Variants in EYS observed in about 807,000 individuals in gnomAD.
EYS encodes the protein EGF-like photoreceptor maintenance factor.
Under a neutral mutation model 282.1 loss-of-function variants are expected in EYS, and 250 were observed. The ratio of observed to expected loss-of-function variants is 0.89; its 90% CI spans 0.80 to 0.98. The LOEUF is 0.98. Among genes scored for constraint, EYS ranks in the 50% least tolerant of loss-of-function variants. The pLI is 0.00. For synonymous variants in EYS, 1,355 were observed against 1,282.9 expected (o/e 1.06, Z -1.20); for missense variants, 4,016 against 3,709.0 (o/e 1.08, Z -2.15).
chr6:64,186,950 G>T (rs1013830544), intron 31 of EYS, among the ~76,000 whole-genome samples: 1 of 152,106 alleles, frequency 6.6e-6, no homozygotes, highest in Non-Finnish European at 1.5e-5. Flanking sequence ...CACTTGGGGA[G>T]CACACACACT....
chr6:63,815,838 T>C (rs1771164347), intron 36 of EYS, among the ~76,000 whole-genome samples: 1 of 152,152 alleles, frequency 6.6e-6, no homozygotes, highest in South Asian at 2.1e-4. Context: ...TTGACAATAA[T>C]TTTTATTTTT....
intron 26 of EYS, among the ~76,000 whole-genome samples, chr6:64,447,567 C>A (rs13207295): frequency 0.28 from 42,043 of 151,538 alleles, 5,935 homozygotes; most frequent in East Asian, 0.46. Flanking sequence ...TCATTAGTAC[C>A]TTGATCAAAA....
chr6:65,556,876 C>T (rs1285328825), intron 2 of EYS, among the ~76,000 whole-genome samples: 1 of 151,926 alleles, frequency 6.6e-6, no homozygotes, highest in East Asian at 1.9e-4. Context: ...TTAAAATTGT[C>T]TCTAATATCA....
intron 35 of EYS, among the ~76,000 whole-genome samples, chr6:63,920,680 G>A (rs138685467): frequency 2.0e-5 from 3 of 152,150 alleles, no homozygotes; most frequent in Non-Finnish European, 4.4e-5. Flanking sequence ...GCTGTAAGGG[G>A]AGTACTTTCC....
chr6:64,400,249 CT>C (rs1217625911), intron 28 of EYS: 2 of 151,924 alleles, frequency 1.3e-5, no homozygotes, highest in African/African-American at 2.4e-5. Context: ...AGGTTTTCAC[CT>C]TTGGATAAGT....
chr6:65,041,828 T>C (rs1289365039), intron 13 of EYS, among the ~76,000 whole-genome samples: 1 of 151,554 alleles, frequency 6.6e-6, no homozygotes, highest in African/African-American at 2.4e-5. Context: ...TTTCCATTTC[T>C]CCAGCTCCAG....
At chr6:65,457,136 CTTTTG>C (rs1562196192) in intron 5 of EYS, among the ~76,000 whole-genome samples, 1 of 144,750 alleles carries the variant, frequency 6.9e-6, no homozygotes, top group Non-Finnish European at 1.5e-5. Context: ...TGTTTTCTCT[CTTTTG>C]TTGTTGTTGT....
chr6:65,672,550 AC>A (rs1352414990), intron 1 of EYS, among the ~76,000 whole-genome samples: 1 of 152,146 alleles, frequency 6.6e-6, no homozygotes, highest in African/African-American at 2.4e-5. Context: ...ATAGATCCCA[AC>A]AAAAAGTAAC....
At chr6:64,213,372 G>A (rs1765838445) in intron 31 of EYS, among the ~76,000 whole-genome samples, 1 of 152,120 alleles carries the variant, frequency 6.6e-6, no homozygotes, top group Non-Finnish European at 1.5e-5. Context: ...AGTGATAGAT[G>A]AAAATGTATT....
intron 13 of EYS, among the ~76,000 whole-genome samples, chr6:65,035,517 A>G (rs987616496): frequency 6.6e-5 from 10 of 152,120 alleles, no homozygotes; most frequent in African/African-American, 2.2e-4. Context: ...TACAAAAATC[A>G]CTAGTATTTT....
At chr6:65,035,424 T>C (rs1772736676) in intron 13 of EYS, among the ~76,000 whole-genome samples, 2 of 149,836 alleles carry the variant, frequency 1.3e-5, no homozygotes, top group Non-Finnish European at 3.0e-5. Context: ...TGATTGTATA[T>C]ACAGAAAATT....
At chr6:63,828,553 G>A (rs1223531435) in intron 36 of EYS, among the ~76,000 whole-genome samples, 1 of 152,144 alleles carries the variant, frequency 6.6e-6, no homozygotes, top group Non-Finnish European at 1.5e-5. Context: ...AGCGAGAATG[G>A]AGAAAATCTT....
At chr6:63,962,263 T>C (rs1766101415) in intron 35 of EYS, among the ~76,000 whole-genome samples, 1 of 152,002 alleles carries the variant, frequency 6.6e-6, no homozygotes, top group Non-Finnish European at 1.5e-5. Flanking sequence ...ACAAATGGGA[T>C]CTAATTAAAC....
At chr6:64,743,870 C>T (rs529177513) in intron 22 of EYS, among the ~76,000 whole-genome samples, 1 of 152,200 alleles carries the variant, frequency 6.6e-6, no homozygotes, top group South Asian at 2.1e-4. Context: ...TACCAAAGTA[C>T]TGCTCTTCTG....
At position 65,028,745 on chromosome 6, in the gene EYS, A is replaced by G. The variant is rs895971236; in HGVS notation, c.2137+28869T>C. Among the ~76,000 whole-genome samples the G allele has an allele frequency of 3.9e-5, 6 of 152,164 alleles. No homozygotes were observed. In the South Asian group the frequency reaches 1.2e-3, roughly 32 times the overall value. ...CTTATTCCAGTAAAAAATTTATGTA[A>G]TTTATCCCCTTGGACTTAATGAATA... On this transcript the variant is annotated intron_variant, in intron 13 of 42. Transcript: ENST00000503581.
intron 11 of EYS, among the ~76,000 whole-genome samples, chr6:65,301,607 C>T (rs1768830344): frequency 6.6e-6 from 1 of 152,254 alleles, no homozygotes. Flanking sequence ...TACTTTGGAG[C>T]TTGTCTCAAA....
At chr6:64,778,899 G>T (rs183104111) in intron 22 of EYS, among the ~76,000 whole-genome samples, 1 of 152,214 alleles carries the variant, frequency 6.6e-6, no homozygotes, top group South Asian at 2.1e-4. Context: ...AGCATATGTA[G>T]CTATCCACGC....
intron 11 of EYS, among the ~76,000 whole-genome samples, chr6:65,321,070 A>C (rs1248248708): frequency 3.3e-5 from 5 of 152,084 alleles, no homozygotes; most frequent in Admixed American, 3.3e-4. Context: ...CTGCTGTTGG[A>C]TAACTCAACC....
chr6:65,561,232 T>C (rs1043958239), intron 2 of EYS, among the ~76,000 whole-genome samples: 5 of 152,128 alleles, frequency 3.3e-5, no homozygotes, highest in Admixed American at 3.3e-4. Flanking sequence ...AATTTAAAAC[T>C]CCATGTTGGA....
Sources: gnomAD v4.1 joint callset for allele counts (sites outside exome capture counted in the v4.1 genomes callset) on GRCh38, gnomAD v4.1.1 for gene constraint, MANE v1.5 for transcripts, NCBI Gene and HGNC (gene_info 2026-07-23, HGNC 2026-07-21) for gene names.